The following FSTL4 variants were observed in gnomAD, a reference collection of about 807,000 sequenced individuals.
FSTL4 encodes the protein follistatin like 4.
In FSTL4, 28 loss-of-function variants were observed where a neutral mutation model predicts 78.2. The observed-to-expected ratio is 0.36, with a 90% CI of 0.27 to 0.49. The LOEUF is 0.49. Ranked by LOEUF, FSTL4 falls within the 20% of genes least tolerant of loss-of-function variation. FSTL4 has a pLI of 0.98. For synonymous variants in FSTL4, 422 were observed against 440.5 expected, an observed-to-expected ratio of 0.96 and a Z score of 0.53; for missense variants, 922 against 1,084.9, an observed-to-expected ratio of 0.85 and a Z score of 2.11.
In FSTL4 at chr5:133,528,850, A is replaced by C. The variant is rs117865470; in HGVS notation, c.160+38336T>G. ...ATAAACAAATTGAGATGTCTAGTAA[A>C]ACCTGTTCTTGTTTGGACACAGAGC... is the stretch of plus-strand genomic sequence containing the variant. On this transcript the variant is annotated intron_variant, in intron 3 of 15. Transcript: ENST00000265342. Among the ~76,000 whole-genome samples, 45 of 152,344 alleles carry C rather than the reference A, an allele frequency of 3.0e-4. 1 individual carries two copies. The East Asian group carries it at 8.7e-3, about 29-fold the overall frequency.
chr5:133,460,855 T>A (rs1055605345), intron 3 of FSTL4, among the ~76,000 whole-genome samples: 1 of 152,246 alleles, frequency 6.6e-6, no homozygotes, highest in Non-Finnish European at 1.5e-5. Flanking sequence ...TAACTTCTCA[T>A]CCTCTTTCAG....
chr5:133,801,500 A>C, the FSTL4 span, among the ~76,000 whole-genome samples: 1 of 152,134 alleles, frequency 6.6e-6, no homozygotes, highest in Non-Finnish European at 1.5e-5. Flanking sequence ...GACGCTCCGT[A>C]CCACCTCTGC....
intron 4 of FSTL4, among the ~76,000 whole-genome samples, chr5:133,329,041 C>T (rs536648527): frequency 1.4e-4 from 22 of 152,222 alleles, no homozygotes; most frequent in African/African-American, 2.2e-4. Flanking sequence ...GAGACACGGC[C>T]GGGTCTGAGG....
the FSTL4 span, among the ~76,000 whole-genome samples, chr5:133,815,580 G>A: frequency 2.6e-5 from 4 of 152,178 alleles, no homozygotes; most frequent in Non-Finnish European, 4.4e-5. Flanking sequence ...GCCAGGGTTC[G>A]CACACTGGAG....
intron 7 of FSTL4, among the ~76,000 whole-genome samples, chr5:133,239,125 C>A (rs1230356839): frequency 1.3e-5 from 2 of 152,214 alleles, no homozygotes; most frequent in Admixed American, 1.3e-4. Flanking sequence ...GGGCTTAGCA[C>A]CTGGGCCAGC....
At chr5:133,514,524 G>C (rs1330179076) in intron 3 of FSTL4, among the ~76,000 whole-genome samples, 1 of 152,196 alleles carries the variant, frequency 6.6e-6, no homozygotes, top group Non-Finnish European at 1.5e-5. Context: ...GTGCAGGGCA[G>C]GCAATAGAGT....
the FSTL4 span, among the ~76,000 whole-genome samples, chr5:133,684,688 G>T: frequency 2.6e-5 from 4 of 152,066 alleles, no homozygotes; most frequent in African/African-American, 9.7e-5. Context: ...TTCAACCAGG[G>T]GACTCGAAGC....
chr5:133,573,278 T>C (rs1580798062), intron 2 of FSTL4, among the ~76,000 whole-genome samples: 1 of 150,618 alleles, frequency 6.6e-6, no homozygotes. Context: ...ACAAAAAAAA[T>C]AAATAAAAAA....
At chr5:133,739,251 C>A in the FSTL4 span, among the ~76,000 whole-genome samples, 2 of 151,986 alleles carry the variant, frequency 1.3e-5, no homozygotes, top group Non-Finnish European at 2.9e-5. Context: ...CCACACAGAG[C>A]CTAAGAAACC....
At chr5:133,476,056 A>T (rs1209649399) in intron 3 of FSTL4, among the ~76,000 whole-genome samples, 1 of 152,140 alleles carries the variant, frequency 6.6e-6, no homozygotes, top group African/African-American at 2.4e-5. Flanking sequence ...AGGACGAGAG[A>T]AAAGGAAAGT....
the FSTL4 span, among the ~76,000 whole-genome samples, chr5:133,698,587 GTGACCATTACATGCAATAATGCA>G: frequency 6.6e-6 from 1 of 152,248 alleles, no homozygotes; most frequent in Non-Finnish European, 1.5e-5. Flanking sequence ...GCGATAATGC[GTGACCATTACATGCAATAATGCA>G]TGACTATTAC....
chr5:133,785,379 A>G, the FSTL4 span, among the ~76,000 whole-genome samples: 1 of 152,184 alleles, frequency 6.6e-6, no homozygotes, highest in Non-Finnish European at 1.5e-5. Flanking sequence ...GTTTGCCGAG[A>G]TACCTTTAGC....
chr5:133,228,024 C>G lies in FSTL4; in HGVS notation c.1016-2205G>C, dbSNP rs560515566. On this transcript the variant is annotated intron_variant, in intron 8 of 15. Coordinates refer to ENST00000265342, the MANE Select transcript of FSTL4 (RefSeq NM_015082.2). Reference sequence around the variant, plus strand: ...GGCAGATCCCTTGAGCCCACATGTTCGAGACTAGCCTGGGCAACATGGCAA... The same window carrying G: ...GGCAGATCCCTTGAGCCCACATGTTGGAGACTAGCCTGGGCAACATGGCAA... Among the ~76,000 whole-genome samples the G allele has an allele frequency of 5.3e-5, 8 of 152,112 alleles. 1 individual carries two copies. In the South Asian group the frequency reaches 1.7e-3, roughly 32 times the overall value.
chr5:133,358,993 C>T (rs1274529492), intron 4 of FSTL4, among the ~76,000 whole-genome samples: 1 of 152,182 alleles, frequency 6.6e-6, no homozygotes, highest in African/African-American at 2.4e-5. Context: ...GGTCTGGTTA[C>T]CCATGTGGAA....
rs1238264846 is a variant in FSTL4, at chr5:133,400,934, G to T, written c.213C>A (p.Ser71Arg). 1 of 1,613,322 alleles carries T rather than the reference G, an allele frequency of 6.2e-7. No individual in the cohort carries two copies. Among genetic ancestry groups the T allele is most frequent in the Non-Finnish European group, 8.5e-7 (1 of 1,180,036 alleles). The change falls in exon 4 of 16, where the codon AGC (serine) becomes AGA (arginine). Residue 71 changes from serine to arginine, a missense_variant. By Grantham distance (110) the Ser-to-Arg change is moderately radical (BLOSUM62 -1). Coordinates refer to ENST00000265342, the MANE Select transcript of FSTL4 (RefSeq NM_015082.2). ...TGCTGAGCACGCACCGGCTCCCTCG[G>T]CTGCAGAACTTCTTCCCGCAGGAGG... ...LLASCGKKFCSRGSRCVLSRK... is the reference protein window; with the variant it reads ...LLASCGKKFCRRGSRCVLSRK...
At chr5:133,384,484 A>G (rs1755652940) in intron 4 of FSTL4, among the ~76,000 whole-genome samples, 2 of 152,332 alleles carry the variant, frequency 1.3e-5, no homozygotes, top group East Asian at 1.9e-4. Flanking sequence ...AGGACTGGCT[A>G]AGGATGGAGG....
chr5:133,697,161 A>G, the FSTL4 span, among the ~76,000 whole-genome samples: 2 of 152,162 alleles, frequency 1.3e-5, no homozygotes, highest in Non-Finnish European at 2.9e-5. Flanking sequence ...TAAGCAGCAA[A>G]TGTGCTCTCT....
the FSTL4 span, among the ~76,000 whole-genome samples, chr5:133,822,308 G>C: frequency 6.6e-6 from 1 of 152,172 alleles, no homozygotes; most frequent in African/African-American, 2.4e-5. Context: ...TTAGCCTTTT[G>C]AGACCTCAAT....
At chr5:133,740,210 T>A in the FSTL4 span, among the ~76,000 whole-genome samples, 2 of 152,158 alleles carry the variant, frequency 1.3e-5, no homozygotes, top group East Asian at 3.9e-4. Context: ...AAGTTCTAAG[T>A]GATACCCCCT....
Sources: allele counts gnomAD v4.1 joint callset (sites outside exome capture counted in the v4.1 genomes callset), GRCh38; gene constraint gnomAD v4.1.1; transcripts MANE v1.5; gene names NCBI Gene and HGNC (gene_info 2026-07-23, HGNC 2026-07-21).